GNAQ: variants seen among roughly 807,000 people sequenced by gnomAD.
GNAQ encodes G protein subunit alpha q, also known as guanine nucleotide-binding protein G(q) subunit alpha.
GNAQ carries 8 observed loss-of-function variants against 43.9 expected under a neutral mutation model. The observed-to-expected ratio is 0.18, with a 90% CI of 0.11 to 0.33. The LOEUF is 0.33. Ranked by LOEUF, GNAQ falls within the 10% of genes least tolerant of loss-of-function variation. The probability of loss-of-function intolerance (pLI) is 1.00; values close to 1 mark genes in which losing one functional copy is unlikely to be tolerated. For synonymous variants in GNAQ, 155 were observed against 170.7 expected, an observed-to-expected ratio of 0.91 and a Z score of 0.71; for missense variants, 158 against 450.8, an observed-to-expected ratio of 0.35 and a Z score of 5.88.
chr9:77,761,513 C>A (rs1225451226), intron 5 of GNAQ, among the ~76,000 whole-genome samples: 1 of 136,602 alleles, frequency 7.3e-6, no homozygotes, highest in African/African-American at 2.6e-5. Flanking sequence ...GGTCAGCCCC[C>A]CGCCCGGCCA....
intron 1 of GNAQ, among the ~76,000 whole-genome samples, chr9:77,949,133 G>A (rs1033172547): frequency 6.6e-6 from 1 of 152,138 alleles, no homozygotes; most frequent in Admixed American, 6.5e-5. Context: ...GACACTGAGA[G>A]GTTAAATACC....
chr9:77,967,906 G>A (rs1275347194), intron 1 of GNAQ, among the ~76,000 whole-genome samples: 1 of 152,122 alleles, frequency 6.6e-6, no homozygotes, highest in Non-Finnish European at 1.5e-5. Flanking sequence ...CTTGAACTTG[G>A]GAGGCGGAGG....
intron 1 of GNAQ, among the ~76,000 whole-genome samples, chr9:77,925,245 T>C (rs1056728467): frequency 1.3e-5 from 2 of 152,130 alleles, no homozygotes; most frequent in Non-Finnish European, 2.9e-5. Context: ...ACCAATCAAA[T>C]GAAGGACAAG....
intron 1 of GNAQ, among the ~76,000 whole-genome samples, chr9:77,988,536 A>G (rs191868934): frequency 1.0e-3 from 157 of 152,354 alleles, no homozygotes; most frequent in Non-Finnish European, 1.8e-3. Context: ...CAGGGGACAG[A>G]CAGATCTGAT....
chr9:77,833,842 G>A (rs1038058865), intron 2 of GNAQ, among the ~76,000 whole-genome samples: 5 of 152,226 alleles, frequency 3.3e-5, no homozygotes, highest in African/African-American at 1.2e-4. Context: ...ACAAGAAGAA[G>A]CTGATCCAAT....
At chr9:77,753,208 C>T (rs1213644687) in intron 5 of GNAQ, among the ~76,000 whole-genome samples, 2 of 152,060 alleles carry the variant, frequency 1.3e-5, no homozygotes, top group African/African-American at 4.8e-5. Context: ...GACACATACC[C>T]GAGGCACATG....
At chr9:77,901,911 AG>A (rs1185203444) in intron 2 of GNAQ, among the ~76,000 whole-genome samples, 1 of 152,212 alleles carries the variant, frequency 6.6e-6, no homozygotes, top group Non-Finnish European at 1.5e-5. Context: ...CTCACTGAGT[AG>A]AAGGGAACTA....
rs115830039 is a variant in GNAQ at position 77,857,691 on chromosome 9, A to G, written c.322-41921T>C. 3.5e-4 allele frequency among the ~76,000 whole-genome samples: 11 copies of G among 31,734 alleles called. 1 individual carries two copies. The South Asian group carries it at 4.6e-3, about 13-fold the overall frequency. The allele number at this position is 31,734 out of a possible 152,430, so 20.8% of individuals were successfully genotyped here. A position where few individuals can be genotyped will look rare whatever the true frequency, so the allele number is the denominator to read the frequency against. ...AAGGAGGGAAGGAGGGGAAGGAGAG[A>G]AAGGAAGACAGGAAAGGGAGGAAAG... On this transcript the variant is annotated intron_variant, in intron 2 of 6. Transcript: ENST00000286548.
At chr9:77,918,193 C>T (rs1828942776) in intron 2 of GNAQ, among the ~76,000 whole-genome samples, 2 of 152,258 alleles carry the variant, frequency 1.3e-5, no homozygotes, top group East Asian at 1.9e-4. Flanking sequence ...AATGTACAGG[C>T]CATGTTTTGC....
In GNAQ at chr9:77,765,176, A is replaced by T. The variant is rs371211570; in HGVS notation, c.735+29287T>A. 4.6e-5 allele frequency among the ~76,000 whole-genome samples: 7 copies of T among 152,288 alleles called. No individual in the cohort carries two copies. The South Asian group carries it at 1.5e-3, about 32-fold the overall frequency. On this transcript the variant is annotated intron_variant, in intron 5 of 6. Transcript: ENST00000286548. The stretch of plus-strand genomic sequence containing the variant: ...AGAACTTATTTAAAAAAAAAATCAG[A>T]ACTGAAAGGAAAGCTAAAGGACATT...
intron 2 of GNAQ, among the ~76,000 whole-genome samples, chr9:77,863,587 T>C (rs973346046): frequency 4.5e-4 from 69 of 152,176 alleles, no homozygotes; most frequent in African/African-American, 1.6e-3. Flanking sequence ...CATTTTCGGG[T>C]ATCTTTTCAG....
chr9:77,883,764 A>T (rs1273393748), intron 2 of GNAQ, among the ~76,000 whole-genome samples: 2 of 152,108 alleles, frequency 1.3e-5, no homozygotes, highest in Non-Finnish European at 2.9e-5. Flanking sequence ...TCTCTAGGAA[A>T]ATGTGCTCTG....
At chr9:78,000,727 T>C (rs568452214) in intron 1 of GNAQ, among the ~76,000 whole-genome samples, 1 of 152,328 alleles carries the variant, frequency 6.6e-6, no homozygotes, top group East Asian at 1.9e-4. Flanking sequence ...TGTAAACGCC[T>C]GCTCAGATTC....
intron 5 of GNAQ, among the ~76,000 whole-genome samples, chr9:77,756,509 G>A (rs1423930946): frequency 6.6e-6 from 1 of 152,194 alleles, no homozygotes; most frequent in Non-Finnish European, 1.5e-5. Flanking sequence ...TTATAGGTGG[G>A]CAGGTTAGTA....
At chr9:77,745,471 G>A (rs540267064) in intron 5 of GNAQ, among the ~76,000 whole-genome samples, 8 of 148,176 alleles carry the variant, frequency 5.4e-5, no homozygotes, top group African/African-American at 2.0e-4. Context: ...CTTTAAAGTG[G>A]AAAAAAAAAA....
intron 1 of GNAQ, among the ~76,000 whole-genome samples, chr9:77,998,407 G>T (rs948268836): frequency 1.3e-5 from 2 of 152,192 alleles, no homozygotes; most frequent in Non-Finnish European, 2.9e-5. Context: ...ATTGCCTAAT[G>T]CTGAACAGCA....
chr9:78,029,795 CAACT>C (rs1373253680), intron 1 of GNAQ, among the ~76,000 whole-genome samples: 6 of 152,158 alleles, frequency 3.9e-5, no homozygotes, highest in Non-Finnish European at 7.3e-5. Context: ...TCACAAACAC[CAACT>C]AACAGTACAA....
chr9:77,871,443 G>C (rs1049544042), intron 2 of GNAQ, among the ~76,000 whole-genome samples: 11 of 152,158 alleles, frequency 7.2e-5, no homozygotes, highest in Non-Finnish European at 1.5e-4. Flanking sequence ...ACCCAGACTG[G>C]TTTAAATTAC....
chr9:77,985,536 A>G (rs1371135425), intron 1 of GNAQ, among the ~76,000 whole-genome samples: 1 of 152,202 alleles, frequency 6.6e-6, no homozygotes, highest in African/African-American at 2.4e-5. Flanking sequence ...CACAGCTTAA[A>G]ACACAGTAAC....
Sources: gnomAD v4.1 joint callset for allele counts (sites outside exome capture counted in the v4.1 genomes callset) on GRCh38, gnomAD v4.1.1 for gene constraint, MANE v1.5 for transcripts, NCBI Gene and HGNC (gene_info 2026-07-23, HGNC 2026-07-21) for gene names.